The following PARM1 variants were observed in gnomAD, a reference collection of about 807,000 sequenced individuals.
PARM1 encodes WSC4, cell wall integrity and stress response component 4 homolog.
Under a neutral mutation model 24.6 loss-of-function variants are expected in PARM1, and 14 were observed. That is an observed-to-expected ratio of 0.57 (90% CI 0.38 to 0.89). PARM1 has a LOEUF of 0.89. Ranked by LOEUF, PARM1 falls within the 40% of genes least tolerant of loss-of-function variation. PARM1 has a pLI of 0.00. For synonymous variants in PARM1, 179 were observed against 156.6 expected (o/e 1.14, Z -1.07); for missense variants, 362 against 380.4 (o/e 0.95, Z 0.40).
intron 1 of PARM1, among the ~76,000 whole-genome samples, chr4:74,947,666 A>G (rs1721436075): frequency 6.6e-6 from 1 of 152,210 alleles, no homozygotes; most frequent in South Asian, 2.1e-4. Flanking sequence ...AAATGCTATG[A>G]TGCTTAGTAT....
At chr4:74,968,692 T>C (rs1721961488) in intron 1 of PARM1, among the ~76,000 whole-genome samples, 3 of 152,234 alleles carry the variant, frequency 2.0e-5, no homozygotes, top group Non-Finnish European at 4.4e-5. Flanking sequence ...ATTCATTCAC[T>C]CATTCATTGC....
chr4:74,989,505 G>A (rs1324262514), intron 1 of PARM1, among the ~76,000 whole-genome samples: 1 of 152,144 alleles, frequency 6.6e-6, no homozygotes, highest in Non-Finnish European at 1.5e-5. Flanking sequence ...GAGTTTCCAT[G>A]CCCTCTCTGG....
intron 1 of PARM1, among the ~76,000 whole-genome samples, chr4:74,965,809 G>A (rs865976320): frequency 4.6e-5 from 7 of 152,278 alleles, no homozygotes; most frequent in Middle Eastern, 6.8e-3. Flanking sequence ...GTGTCAAGGT[G>A]ATGAAAACAA....
At chr4:75,039,592 G>T (rs1723439285) in intron 3 of PARM1, among the ~76,000 whole-genome samples, 1 of 152,078 alleles carries the variant, frequency 6.6e-6, no homozygotes, top group Non-Finnish European at 1.5e-5. Flanking sequence ...GATTCAGTAG[G>T]TCCAGGTGGG....
At chr4:75,036,653 C>G (rs372573109) in intron 3 of PARM1, among the ~76,000 whole-genome samples, 3 of 152,210 alleles carry the variant, frequency 2.0e-5, no homozygotes. Context: ...ACAGTACTTA[C>G]CATGTTTGGA....
At chr4:74,949,529 GT>G (rs2109984067) in intron 1 of PARM1, among the ~76,000 whole-genome samples, 1 of 152,308 alleles carries the variant, frequency 6.6e-6, no homozygotes, top group Non-Finnish European at 1.5e-5. Flanking sequence ...AGCCAGGATG[GT>G]CTCGATCTCC....
intron 1 of PARM1, among the ~76,000 whole-genome samples, chr4:74,936,791 C>T (rs1721203197): frequency 2.0e-5 from 3 of 152,052 alleles, no homozygotes; most frequent in African/African-American, 7.2e-5. Context: ...TATTTAAAAA[C>T]TCCCTCAGTG....
At chr4:75,011,985 A>G (rs941931435) in intron 1 of PARM1, among the ~76,000 whole-genome samples, 1 of 152,074 alleles carries the variant, frequency 6.6e-6, no homozygotes, top group African/African-American at 2.4e-5. Context: ...CCTGCCAGTG[A>G]CCACACTCAT....
intron 1 of PARM1, among the ~76,000 whole-genome samples, chr4:74,959,261 C>T (rs1460333661): frequency 2.0e-5 from 3 of 152,152 alleles, no homozygotes; most frequent in Non-Finnish European, 4.4e-5. Flanking sequence ...TATCCTCCCC[C>T]CCATCACTAT....
chr4:75,033,746 A>G lies in PARM1; in HGVS notation c.770-137A>G, dbSNP rs1723315602. 4 of 562,368 alleles carry G rather than the reference A, an allele frequency of 7.1e-6. No homozygotes were observed. In the South Asian group the frequency reaches 1.3e-4, roughly 18 times the overall value. 34.8% of individuals were successfully genotyped at this position (562,368 alleles called of 1,614,324 possible). A position where few individuals can be genotyped will look rare whatever the true frequency, so the allele number is the denominator to read the frequency against. ...TTTATTCTAGCTGTGAATGTCATGCAGAATGATCTGAAGTAGCTTTTCCCC... is the reference window on the plus strand; with the variant it reads ...TTTATTCTAGCTGTGAATGTCATGCGGAATGATCTGAAGTAGCTTTTCCCC... On this transcript the variant is annotated intron_variant, in intron 2 of 3. Transcript: ENST00000307428.
intron 1 of PARM1, among the ~76,000 whole-genome samples, chr4:74,981,805 G>A (rs1722261651): frequency 6.7e-6 from 1 of 150,174 alleles, no homozygotes; most frequent in Non-Finnish European, 1.5e-5. Flanking sequence ...AACCTGGGCA[G>A]CAGAGGTTGC....
intron 2 of PARM1, among the ~76,000 whole-genome samples, chr4:75,024,520 G>C: frequency 6.6e-6 from 1 of 152,136 alleles, no homozygotes. Context: ...TGGGCTTTTA[G>C]AAGTTCTTCC....
chr4:74,959,320 C>T (rs1161836270), intron 1 of PARM1, among the ~76,000 whole-genome samples: 1 of 152,180 alleles, frequency 6.6e-6, no homozygotes, highest in Admixed American at 6.5e-5. Flanking sequence ...GGTCACATAA[C>T]TAATGACAGA....
rs181796113 is a variant in PARM1, at chr4:75,047,238, G to C, written c.*991G>C. Reference sequence around the variant, plus strand: ...ATACCCACACAGCAACTGGTCCACTGCTTTACTGTCTGTTGGATAATGGCT... The same window carrying C: ...ATACCCACACAGCAACTGGTCCACTCCTTTACTGTCTGTTGGATAATGGCT... On this transcript the variant is annotated 3_prime_UTR_variant, in exon 4 of 4. Transcript: ENST00000307428. The C allele has an allele frequency of 2.0e-5, 3 of 152,298 alleles. No homozygotes were observed. Among genetic ancestry groups the C allele is most frequent in the Admixed American group, 6.5e-5 (1 of 15,298 alleles). 9.4% of individuals were successfully genotyped at this position (152,298 alleles called of 1,614,324 possible). A position where few individuals can be genotyped will look rare whatever the true frequency, so the allele number is the denominator to read the frequency against.
At chr4:74,973,368 A>G (rs1722076331) in intron 1 of PARM1, among the ~76,000 whole-genome samples, 1 of 152,226 alleles carries the variant, frequency 6.6e-6, no homozygotes. Context: ...TAAGGTGTTT[A>G]AAAGAATAAA....
At chr4:75,027,450 CAA>C (rs1191675081) in intron 2 of PARM1, among the ~76,000 whole-genome samples, 3 of 152,024 alleles carry the variant, frequency 2.0e-5, no homozygotes, top group Non-Finnish European at 4.4e-5. Context: ...GGCCAGAAGA[CAA>C]AGAGACTTCC....
chr4:75,033,314 C>T (rs2109808785), intron 2 of PARM1, among the ~76,000 whole-genome samples: 1 of 152,244 alleles, frequency 6.6e-6, no homozygotes, highest in Non-Finnish European at 1.5e-5. Flanking sequence ...TTTTAAAATG[C>T]TTTCACTTGA....
intron 3 of PARM1, among the ~76,000 whole-genome samples, chr4:75,040,422 A>G (rs1578061587): frequency 6.6e-6 from 1 of 152,208 alleles, no homozygotes; most frequent in Non-Finnish European, 1.5e-5. Context: ...ACAGCTTTTT[A>G]AAAGAAACCC....
chr4:75,035,793 G>A (rs537905045), intron 3 of PARM1, among the ~76,000 whole-genome samples: 23 of 152,268 alleles, frequency 1.5e-4, no homozygotes, highest in African/African-American at 4.3e-4. Context: ...TAAAGGGCCC[G>A]CTTGACCTGT....
Sources: allele counts gnomAD v4.1 joint callset (sites outside exome capture counted in the v4.1 genomes callset), GRCh38; gene constraint gnomAD v4.1.1; transcripts MANE v1.5; gene names NCBI Gene and HGNC (gene_info 2026-07-23, HGNC 2026-07-21).